The following PHF2 variants were observed in gnomAD, a reference collection of about 807,000 sequenced individuals.
The protein encoded by PHF2 is lysine-specific demethylase PHF2.
In PHF2, 27 loss-of-function variants were observed where a neutral mutation model predicts 120.5. The observed-to-expected ratio is 0.22, with a 90% CI of 0.17 to 0.31. PHF2 has a LOEUF of 0.31. PHF2 is among the 10% of genes least tolerant of loss of function. The pLI, the probability that PHF2 is intolerant of heterozygous loss-of-function variation, is 1.00. For synonymous variants in PHF2, 568 were observed against 592.5 expected, an observed-to-expected ratio of 0.96 and a Z score of 0.60; for missense variants, 1,024 against 1,434.8, an observed-to-expected ratio of 0.71 and a Z score of 4.63.
intron 1 of PHF2, among the ~76,000 whole-genome samples, chr9:93,583,826 CTT>C (rs113746371): frequency 1.6e-5 from 2 of 124,632 alleles, no homozygotes; most frequent in African/African-American, 5.9e-5. Flanking sequence ...TTTTTCTTTT[CTT>C]TTTTTTTTTT....
At chr9:93,618,430 C>T (rs1825761425) in intron 1 of PHF2, among the ~76,000 whole-genome samples, 1 of 152,238 alleles carries the variant, frequency 6.6e-6, no homozygotes, top group Admixed American at 6.5e-5. Flanking sequence ...CCTGCATACA[C>T]GTGCACACAC....
At chr9:93,624,937 C>T (rs905259290) in intron 1 of PHF2, among the ~76,000 whole-genome samples, 11 of 152,144 alleles carry the variant, frequency 7.2e-5, no homozygotes, top group Non-Finnish European at 5.9e-5. Context: ...TTGTCACTCT[C>T]ACAGGGCCAG....
At chr9:93,658,017 T>C in intron 9 of PHF2, 128 bp from the exon 10 acceptor site, 4 of 628,256 alleles carry the variant, frequency 6.4e-6, no homozygotes, top group Non-Finnish European at 2.8e-6. Flanking sequence ...GTTGAGCTGG[T>C]GGCCATGGGC....
chr9:93,640,500 C>T (rs1351003556), intron 3 of PHF2, among the ~76,000 whole-genome samples: 1 of 151,938 alleles, frequency 6.6e-6, no homozygotes, highest in Non-Finnish European at 1.5e-5. Context: ...CCATCAAAGG[C>T]ATCCTTCATT....
intron 1 of PHF2, among the ~76,000 whole-genome samples, chr9:93,622,726 C>T (rs1825844606): frequency 6.6e-6 from 1 of 152,144 alleles, no homozygotes; most frequent in Non-Finnish European, 1.5e-5. Flanking sequence ...GTGAATCCTT[C>T]AGGGGGCTCC....
At chr9:93,617,214 A>G (rs1825743827) in intron 1 of PHF2, among the ~76,000 whole-genome samples, 1 of 152,148 alleles carries the variant, frequency 6.6e-6, no homozygotes, top group African/African-American at 2.4e-5. Context: ...AGCCCACTCA[A>G]GTCCTCATAG....
chr9:93,658,769 C>CA (rs1440376627), intron 10 of PHF2, among the ~76,000 whole-genome samples: 1 of 152,146 alleles, frequency 6.6e-6, no homozygotes, highest in African/African-American at 2.4e-5. Context: ...GCAGGTGCAG[C>CA]ACCCCAGCCA....
intron 1 of PHF2, among the ~76,000 whole-genome samples, chr9:93,588,512 C>A (rs764589942): frequency 7.9e-5 from 12 of 152,142 alleles, no homozygotes; most frequent in Non-Finnish European, 1.3e-4. Context: ...CTGAGAGGCC[C>A]GAGTCTGTGG....
intron 1 of PHF2, among the ~76,000 whole-genome samples, chr9:93,611,348 G>A (rs1402436131): frequency 1.3e-5 from 2 of 151,372 alleles, no homozygotes; most frequent in Non-Finnish European, 2.9e-5. Context: ...CCAGGAGGTG[G>A]ACATTGCAGT....
At chr9:93,669,882 C>CTCT (rs1564402410) in intron 17 of PHF2, among the ~76,000 whole-genome samples, 1 of 152,318 alleles carries the variant, frequency 6.6e-6, no homozygotes, top group East Asian at 1.9e-4. Flanking sequence ...GTGCCTCAGT[C>CTCT]TCTGTGTCTG....
rs1040157546 is a variant in PHF2 at position 93,601,969 on chromosome 9, G to A, written c.98+25098G>A. Among the ~76,000 whole-genome samples, 5 of 152,092 alleles carry A rather than the reference G, an allele frequency of 3.3e-5. No individual in the cohort carries two copies. In the Middle Eastern group the frequency reaches 0.01, roughly 310 times the overall value. ...GTGGGGTGGGGGTGGCCAGCCTTTTGTCAATTCCACACCATCACACGGCCA... is the reference window on the plus strand; with the variant it reads ...GTGGGGTGGGGGTGGCCAGCCTTTTATCAATTCCACACCATCACACGGCCA... On this transcript the variant is annotated intron_variant, in intron 1 of 21. Coordinates refer to ENST00000359246, the MANE Select transcript of PHF2 (RefSeq NM_005392.4).
intron 13 of PHF2, 144 bp from the exon 14 acceptor site, chr9:93,663,373 C>CA (rs750737507): frequency 7.8e-5 from 53 of 680,508 alleles, no homozygotes; most frequent in Non-Finnish European, 1.3e-4. Context: ...GAGCACCCCG[C>CA]AGTGGCCCGG....
intron 1 of PHF2, among the ~76,000 whole-genome samples, chr9:93,605,449 C>T (rs1201417914): frequency 2.0e-5 from 3 of 152,212 alleles, no homozygotes; most frequent in Non-Finnish European, 4.4e-5. Context: ...ATGTATCCAC[C>T]ATTGCAATGT....
intron 5 of PHF2, 43 bp downstream of exon 5, chr9:93,649,255 C>T: frequency 7.0e-7 from 1 of 1,429,058 alleles, no homozygotes; most frequent in South Asian, 1.2e-5. Flanking sequence ...GGGGTTGGGG[C>T]AGGGGCGCTG....
chr9:93,591,921 G>A (rs1000374568), intron 1 of PHF2, among the ~76,000 whole-genome samples: 1 of 152,240 alleles, frequency 6.6e-6, no homozygotes, highest in Admixed American at 6.5e-5. Context: ...GAGGCCTTGA[G>A]GCTCTGGGCT....
rs745919994 is a variant in PHF2, at chr9:93,645,749, G to A, written c.420G>A (p.Pro140=). 24 of 1,609,476 alleles carry A rather than the reference G, an allele frequency of 1.5e-5. No individual in the cohort carries two copies. Among genetic ancestry groups the A allele is most frequent in the East Asian group, 6.7e-5 (3 of 44,798 alleles). The change falls in exon 4 of 22, where the codon CCG becomes CCA. Residue 140 remains proline, a synonymous_variant. Coordinates refer to ENST00000359246, the MANE Select transcript of PHF2 (RefSeq NM_005392.4). ...PKKDGLGLAV[P]APTFYVSDVE... ...AAGACGGGCTGGGTCTGGCTGTCCC[G>A]GCCCCCACGTTCTATGTCAGTGACG...
At chr9:93,644,761 G>A (rs1169436238) in intron 3 of PHF2, among the ~76,000 whole-genome samples, 1 of 152,110 alleles carries the variant, frequency 6.6e-6, no homozygotes, top group Non-Finnish European at 1.5e-5. Context: ...TGGGGCTGAG[G>A]GCTCTGGGTC....
intron 1 of PHF2, among the ~76,000 whole-genome samples, chr9:93,577,462 C>T (rs1250562395): frequency 1.3e-5 from 2 of 152,078 alleles, no homozygotes; most frequent in African/African-American, 4.8e-5. Flanking sequence ...CCGGCGAGCT[C>T]CCTTGGACCT....
At chr9:93,662,514 G>A (rs898238109) in intron 12 of PHF2, among the ~76,000 whole-genome samples, 10 of 149,898 alleles carry the variant, frequency 6.7e-5, no homozygotes, top group Non-Finnish European at 1.5e-4. Context: ...TGGGATGAAC[G>A]AATGGATGGA....
Sources: gnomAD v4.1 joint callset for allele counts (sites outside exome capture counted in the v4.1 genomes callset) on GRCh38, gnomAD v4.1.1 for gene constraint, MANE v1.5 for transcripts, NCBI Gene and HGNC (gene_info 2026-07-23, HGNC 2026-07-21) for gene names.